CNTN4: variants seen among roughly 807,000 people sequenced by gnomAD.
The protein encoded by CNTN4 is contactin 4.
A neutral mutation model predicts 122.5 loss-of-function variants in CNTN4; 77 were observed. The ratio of observed to expected loss-of-function variants is 0.63; its 90% CI spans 0.52 to 0.76. CNTN4 has a LOEUF of 0.76. Among genes scored for constraint, CNTN4 ranks in the 30% least tolerant of loss-of-function variants. CNTN4 has a pLI of 0.00. For synonymous variants in CNTN4, 512 were observed against 447.0 expected (o/e 1.15, Z -1.83); for missense variants, 1,256 against 1,259.1 (o/e 1.00, Z 0.04).
At chr3:2,371,401 C>A (rs908904455) in intron 3 of CNTN4, among the ~76,000 whole-genome samples, 1 of 152,202 alleles carries the variant, frequency 6.6e-6, no homozygotes, top group African/African-American at 2.4e-5. Context: ...CAAACCCCAA[C>A]CCCAATGCTC....
At chr3:2,187,334 T>C (rs1023554444) in intron 2 of CNTN4, among the ~76,000 whole-genome samples, 1 of 152,180 alleles carries the variant, frequency 6.6e-6, no homozygotes, top group Non-Finnish European at 1.5e-5. Flanking sequence ...ACTATATCCT[T>C]GTAGTATTGT....
intron 7 of CNTN4, among the ~76,000 whole-genome samples, chr3:2,840,754 A>C (rs763439883): frequency 1.3e-5 from 2 of 151,980 alleles, no homozygotes; most frequent in African/African-American, 4.8e-5. Context: ...GATTTTTAAA[A>C]AATGTTTAGT....
chr3:2,849,988 TTTTTTTC>T (rs1265415126), intron 7 of CNTN4, among the ~76,000 whole-genome samples: 1 of 151,102 alleles, frequency 6.6e-6, no homozygotes, highest in Non-Finnish European at 1.5e-5. Context: ...AGCAATCACT[TTTTTTTC>T]TTTTTTTTTT....
intron 2 of CNTN4, among the ~76,000 whole-genome samples, chr3:2,160,906 A>C (rs1425612909): frequency 1.3e-5 from 2 of 152,156 alleles, no homozygotes; most frequent in Admixed American, 6.5e-5. Context: ...TACAGGGTGA[A>C]CAAGAAGGTA....
chr3:2,648,173 G>A (rs2083211438), intron 4 of CNTN4, among the ~76,000 whole-genome samples: 1 of 152,110 alleles, frequency 6.6e-6, no homozygotes, highest in Non-Finnish European at 1.5e-5. Context: ...TATTTGGAAT[G>A]CCAGTATCCT....
chr3:2,541,883 CT>C (rs1156589730), intron 3 of CNTN4, among the ~76,000 whole-genome samples: 2 of 152,082 alleles, frequency 1.3e-5, no homozygotes, highest in Non-Finnish European at 2.9e-5. Context: ...GGCAGGGCCA[CT>C]GACCTTGGCA....
intron 6 of CNTN4, among the ~76,000 whole-genome samples, chr3:2,762,462 G>A (rs1025112001): frequency 1.3e-5 from 2 of 152,176 alleles, no homozygotes; most frequent in Admixed American, 6.5e-5. Flanking sequence ...AGAACATGCA[G>A]TGTTTGATTT....
intron 13 of CNTN4, among the ~76,000 whole-genome samples, chr3:2,987,041 G>A (rs767770900): frequency 6.6e-6 from 1 of 152,326 alleles, no homozygotes; most frequent in Non-Finnish European, 1.5e-5. Context: ...GATCTATCAG[G>A]AAAAGCTACC....
chr3:2,566,963 T>C (rs1482576991), intron 3 of CNTN4, among the ~76,000 whole-genome samples: 1 of 152,186 alleles, frequency 6.6e-6, no homozygotes, highest in Non-Finnish European at 1.5e-5. Context: ...AGATATTATG[T>C]CCTTCAGGGG....
At chr3:2,923,374 G>C (rs1436894436) in intron 12 of CNTN4, among the ~76,000 whole-genome samples, 1 of 151,334 alleles carries the variant, frequency 6.6e-6, no homozygotes, top group Admixed American at 6.6e-5. Context: ...TTGCTCTGCT[G>C]AAACACTTTT....
intron 4 of CNTN4, among the ~76,000 whole-genome samples, chr3:2,708,741 A>T (rs1466384381): frequency 3.3e-5 from 1 of 30,184 alleles, no homozygotes; most frequent in African/African-American, 7.2e-5. Flanking sequence ...ACACACACAC[A>T]CACACACACA....
At chr3:2,729,518 T>C (rs1335331371) in intron 4 of CNTN4, among the ~76,000 whole-genome samples, 1 of 114,952 alleles carries the variant, frequency 8.7e-6, no homozygotes, top group Non-Finnish European at 1.6e-5. Flanking sequence ...CTCTCCAGCC[T>C]GGGCAACAGA....
chr3:2,499,268 C>T (rs1291287718), intron 3 of CNTN4, among the ~76,000 whole-genome samples: 1 of 152,156 alleles, frequency 6.6e-6, no homozygotes, highest in Non-Finnish European at 1.5e-5. Context: ...TATCCAGTTG[C>T]TCCAACACCA....
At chr3:2,796,703 T>C (rs183966305) in intron 6 of CNTN4, among the ~76,000 whole-genome samples, 2 of 152,336 alleles carry the variant, frequency 1.3e-5, no homozygotes, top group African/African-American at 4.8e-5. Context: ...GAAATGTTAA[T>C]TGCTTAAGTC....
chr3:2,519,869 C>T (rs2077148577), intron 3 of CNTN4, among the ~76,000 whole-genome samples: 2 of 152,062 alleles, frequency 1.3e-5, no homozygotes, highest in Non-Finnish European at 2.9e-5. Context: ...GAAAAATATG[C>T]GGATTCACAT....
chr3:3,007,212 G>A (rs1468940773), intron 14 of CNTN4, among the ~76,000 whole-genome samples: 3 of 152,218 alleles, frequency 2.0e-5, no homozygotes, highest in Non-Finnish European at 4.4e-5. Context: ...CAAATCTGCA[G>A]CACGTCTTGT....
chr3:2,488,238 A>G (rs1239919609), intron 3 of CNTN4, among the ~76,000 whole-genome samples: 2 of 152,240 alleles, frequency 1.3e-5, no homozygotes, highest in Non-Finnish European at 2.9e-5. Context: ...AATGTACAGC[A>G]AGTCCTCAAA....
chr3:2,607,185 T>G (rs549216808), intron 4 of CNTN4, among the ~76,000 whole-genome samples: 1 of 152,244 alleles, frequency 6.6e-6, no homozygotes, highest in African/African-American at 2.4e-5. Context: ...GTCACGTGAA[T>G]AAAGGAAAGA....
Position 2,979,753 on chromosome 3 carries a change from C to T in CNTN4, c.1359-8592C>T, listed in dbSNP as rs113473844. 5.2e-3 allele frequency among the ~76,000 whole-genome samples: 790 copies of T among 152,210 alleles called. 3 individuals are homozygous for T. The highest frequency in any genetic ancestry group is 8.9e-3 in the Non-Finnish European group (605 of 68,034). On this transcript the variant is annotated intron_variant, in intron 13 of 24. Coordinates refer to ENST00000418658, the MANE Select transcript of CNTN4 (RefSeq NM_175607.3). ...TTTGTTTGTTGAAAGGAAATGATCACTCCATAATTTCTTTCTTTGCAGAAG... is the reference window on the plus strand; with the variant it reads ...TTTGTTTGTTGAAAGGAAATGATCATTCCATAATTTCTTTCTTTGCAGAAG...
Sources: gnomAD v4.1 joint callset for allele counts (sites outside exome capture counted in the v4.1 genomes callset) on GRCh38, gnomAD v4.1.1 for gene constraint, MANE v1.5 for transcripts, NCBI Gene and HGNC (gene_info 2026-07-23, HGNC 2026-07-21) for gene names.